The following CHCHD6 variants were observed in gnomAD, a reference collection of about 807,000 sequenced individuals.
The protein encoded by CHCHD6 is MICOS complex subunit MIC25.
A neutral mutation model predicts 32.3 loss-of-function variants in CHCHD6; 28 were observed. That is an observed-to-expected ratio of 0.87 (90% CI 0.64 to 1.19). CHCHD6 has a LOEUF of 1.19. CHCHD6 is among the 50% of genes most tolerant of loss of function. The probability of loss-of-function intolerance (pLI) is 0.00; values close to 1 mark genes in which losing one functional copy is unlikely to be tolerated. For missense variants in CHCHD6, 333 were observed against 307.0 expected, an observed-to-expected ratio of 1.08 and a Z score of -0.63; for synonymous variants, 122 against 117.5, an observed-to-expected ratio of 1.04 and a Z score of -0.25.
At chr3:126,943,681 G>T (rs978941702) in intron 6 of CHCHD6, among the ~76,000 whole-genome samples, 10 of 152,160 alleles carry the variant, frequency 6.6e-5, no homozygotes, top group Non-Finnish European at 1.2e-4. Context: ...GCGAGGTAGG[G>T]CTGTCATAAT....
At chr3:126,863,534 C>G (rs1462961531) in intron 5 of CHCHD6, among the ~76,000 whole-genome samples, 2 of 137,552 alleles carry the variant, frequency 1.5e-5, no homozygotes, top group South Asian at 4.7e-4. Context: ...ATCACCACCT[C>G]CTCCTCCTCC....
chr3:126,748,561 C>G (rs893255960), intron 4 of CHCHD6, among the ~76,000 whole-genome samples: 2 of 148,920 alleles, frequency 1.3e-5, no homozygotes, highest in African/African-American at 2.5e-5. Context: ...TGCCACTGCA[C>G]TCTAGCCTGG....
At chr3:126,729,476 G>T (rs1935684097) in intron 2 of CHCHD6, among the ~76,000 whole-genome samples, 1 of 152,170 alleles carries the variant, frequency 6.6e-6, no homozygotes, top group Admixed American at 6.5e-5. Context: ...TTAAAAAATG[G>T]AAAATTATAT....
chr3:126,833,646 A>G (rs995523063), intron 4 of CHCHD6, among the ~76,000 whole-genome samples: 1 of 152,216 alleles, frequency 6.6e-6, no homozygotes, highest in African/African-American at 2.4e-5. Flanking sequence ...CATCCACTCA[A>G]TACTTAGTGG....
At chr3:126,803,691 A>G (rs1353120998) in intron 4 of CHCHD6, among the ~76,000 whole-genome samples, 1 of 152,228 alleles carries the variant, frequency 6.6e-6, no homozygotes, top group African/African-American at 2.4e-5. Context: ...CCAGGAATTG[A>G]ACTTGGCTCT....
At chr3:126,874,635 T>A (rs999477440) in intron 5 of CHCHD6, among the ~76,000 whole-genome samples, 2 of 152,224 alleles carry the variant, frequency 1.3e-5, no homozygotes, top group African/African-American at 4.8e-5. Context: ...CCTTTCCTTG[T>A]ATTCAATCAA....
At chr3:126,723,422 C>G (rs1480643572) in intron 1 of CHCHD6, among the ~76,000 whole-genome samples, 1 of 152,114 alleles carries the variant, frequency 6.6e-6, no homozygotes, top group Non-Finnish European at 1.5e-5. Flanking sequence ...GTATATGTGT[C>G]TTATGTGCAT....
chr3:126,798,895 T>C (rs989868032), intron 4 of CHCHD6, among the ~76,000 whole-genome samples: 4 of 152,216 alleles, frequency 2.6e-5, no homozygotes, highest in African/African-American at 9.6e-5. Flanking sequence ...TGTGCCTTGG[T>C]CAGTTGCTCT....
intron 4 of CHCHD6, among the ~76,000 whole-genome samples, chr3:126,844,043 T>C (rs2107548161): frequency 6.6e-6 from 1 of 152,326 alleles, no homozygotes; most frequent in Non-Finnish European, 1.5e-5. Context: ...TTTGAGGATT[T>C]TCTGGGTGTC....
chr3:126,858,559 C>T (rs749783721), intron 5 of CHCHD6, among the ~76,000 whole-genome samples: 1 of 152,202 alleles, frequency 6.6e-6, no homozygotes, highest in Non-Finnish European at 1.5e-5. Context: ...ATCCCAGGGA[C>T]CTTACAGGCC....
intron 5 of CHCHD6, among the ~76,000 whole-genome samples, chr3:126,904,220 C>G (rs1469380047): frequency 6.6e-6 from 1 of 152,210 alleles, no homozygotes; most frequent in African/African-American, 2.4e-5. Flanking sequence ...CCTCCTCTTA[C>G]AAATCACTGG....
intron 6 of CHCHD6, among the ~76,000 whole-genome samples, chr3:126,944,446 C>T (rs771969591): frequency 4.6e-5 from 7 of 152,266 alleles, no homozygotes; most frequent in Admixed American, 1.3e-4. Flanking sequence ...GAGGACCTTA[C>T]AGCCGAGGTA....
At chr3:126,774,360 G>A (rs1229486938) in intron 4 of CHCHD6, among the ~76,000 whole-genome samples, 1 of 152,198 alleles carries the variant, frequency 6.6e-6, no homozygotes, top group African/African-American at 2.4e-5. Context: ...TGTAAGGATA[G>A]TAGAGAGAGG....
chr3:126,934,459 A>G lies in CHCHD6; in HGVS notation c.566+19709A>G, dbSNP rs1354379414. Among the ~76,000 whole-genome samples the G allele has an allele frequency of 3.4e-5, 5 of 148,738 alleles. No individual in the cohort carries two copies. In the East Asian group the frequency reaches 9.9e-4, roughly 29 times the overall value. ...GCTGCAGTGTTCCGGGCACTGTGTC[A>G]CTGTCATGAAGCATGTTGTCAGGCT... is the stretch of plus-strand genomic sequence containing the variant. On this transcript the variant is annotated intron_variant, in intron 6 of 7. Coordinates refer to ENST00000290913, the MANE Select transcript of CHCHD6 (RefSeq NM_032343.3).
chr3:126,739,660 A>T (rs533530047), intron 4 of CHCHD6, among the ~76,000 whole-genome samples: 1 of 152,212 alleles, frequency 6.6e-6, no homozygotes, highest in Admixed American at 6.5e-5. Flanking sequence ...GAGACAGCCC[A>T]GTGGGCTGTA....
At chr3:126,820,546 A>T (rs1004622578) in intron 4 of CHCHD6, among the ~76,000 whole-genome samples, 1 of 152,178 alleles carries the variant, frequency 6.6e-6, no homozygotes, top group Non-Finnish European at 1.5e-5. Context: ...TGTATTTAGC[A>T]GTAGTTTGTT....
chr3:126,959,271 C>G (rs1459003759), intron 7 of CHCHD6, among the ~76,000 whole-genome samples: 1 of 152,254 alleles, frequency 6.6e-6, no homozygotes, highest in East Asian at 1.9e-4. Flanking sequence ...ACATGACTAG[C>G]AAAGAAACCA....
At chr3:126,755,861 T>TGTGTGC (rs1398954632) in intron 4 of CHCHD6, among the ~76,000 whole-genome samples, 69 of 151,952 alleles carry the variant, frequency 4.5e-4, no homozygotes, top group African/African-American at 1.5e-3. Flanking sequence ...TGTGTGTGTG[T>TGTGTGC]GTGTGTGTAG....
chr3:126,704,704 A>C (rs1934390099), intron 1 of CHCHD6, among the ~76,000 whole-genome samples: 1 of 151,968 alleles, frequency 6.6e-6, no homozygotes, highest in Admixed American at 6.5e-5. Context: ...ACGTTTCTTG[A>C]ATTTGCGCCC....
Sources: gnomAD v4.1 joint callset for allele counts (sites outside exome capture counted in the v4.1 genomes callset) on GRCh38, gnomAD v4.1.1 for gene constraint, MANE v1.5 for transcripts, NCBI Gene and HGNC (gene_info 2026-07-23, HGNC 2026-07-21) for gene names.